NOTCH3: variants seen among roughly 807,000 people sequenced by gnomAD.
NOTCH3 encodes the protein notch receptor 3.
NOTCH3 carries 86 observed loss-of-function variants against 213.3 expected under a neutral mutation model. That is an observed-to-expected ratio of 0.40 (90% CI 0.34 to 0.48). The LOEUF is 0.48. Ranked by LOEUF, NOTCH3 falls within the 20% of genes least tolerant of loss-of-function variation. The pLI is 0.57. For missense variants in NOTCH3, 2,783 were observed against 3,272.6 expected (o/e 0.85, Z 3.65); for synonymous variants, 1,354 against 1,355.9 (o/e 1.00, Z 0.03).
intron 1 of NOTCH3, among the ~76,000 whole-genome samples, chr19:15,199,857 C>A (rs1001105684): frequency 1.8e-3 from 268 of 152,128 alleles, no homozygotes; most frequent in Non-Finnish European, 3.1e-3. Context: ...TGGCCAGGGG[C>A]CTTGGCCCGC....
In NOTCH3 at chr19:15,185,268, G is replaced by A. The variant is rs2046871608; in HGVS notation, c.2285C>T (p.Pro762Leu). The A allele has an allele frequency of 1.2e-6, 2 of 1,613,072 alleles. No individual in the cohort carries two copies. Among genetic ancestry groups the A allele is most frequent in the African/African-American group, 2.7e-5 (2 of 74,900 alleles). Residue 762 changes from proline to leucine, a missense_variant, in exon 14 of 33, where the codon CCT (proline) becomes CTT (leucine). Coordinates refer to ENST00000263388, the MANE Select transcript of NOTCH3 (RefSeq NM_000435.3). This position sits in a 1 kb window ranked among gnomAD's most constrained non-coding sequence, Gnocchi z 4.2. ...DGMGFHCTCP[P>L]GVQGRQCELL... ...GGTGAGGTACACACCCTGGACACCA[G>A]GCGGGCAGGTGCAGTGGAAACCCAT...
chr19:15,192,634 G>T (rs1043818650), intron 2 of NOTCH3, 115 bp from the exon 3 acceptor site: 6 of 1,427,260 alleles, frequency 4.2e-6, no homozygotes, highest in African/African-American at 2.8e-5. Context: ...ACACACATTT[G>T]CTGGGAGCAG....
chr19:15,185,622 C>T lies in NOTCH3; in HGVS notation c.2009G>A (p.Gly670Asp), dbSNP rs752546765. 6.2e-7 allele frequency: 1 copy of T among 1,613,624 alleles called. No individual in the cohort carries two copies. Among genetic ancestry groups the T allele is most frequent in the East Asian group, 2.2e-5 (1 of 44,882 alleles). The change falls in exon 13 of 33, where the codon GGT (glycine) becomes GAT (aspartate). Residue 670 changes from glycine (G) to aspartate (D), a missense_variant. Transcript: ENST00000263388. This position sits in a 1 kb window ranked among gnomAD's most constrained non-coding sequence, Gnocchi z 4.2. ...GCCATTTTCCCCATCCACACAGGAA[C>T]CTCCCTCGCCGCATGGGCTGGAAGC... is the stretch of plus-strand genomic sequence containing the variant. ...ECASSPCGEG[G>D]SCVDGENGFR...
rs756141023 is a variant in NOTCH3 at position 15,185,653 on chromosome 19, C to T, written c.1978G>A (p.Glu660Lys). 1.5e-5 allele frequency: 24 copies of T among 1,613,448 alleles called. No homozygotes were observed. The highest frequency in any genetic ancestry group is 1.9e-5 in the Non-Finnish European group (23 of 1,180,024). ...TCGCCGCATGGGCTGGAAGCACACT[C>T]ATTGATCTCCACGTTACAAAGGGGC... ...TGPLCNVEIN[E>K]CASSPCGEGG... is the part of the protein sequence containing the mutation. The change falls in exon 13 of 33, where the codon GAG (glutamate) becomes AAG (lysine). Residue 660 changes from glutamate (E) to lysine (K), a missense_variant. By Grantham distance (56) the Glu-to-Lys change is moderately conservative (BLOSUM62 1). Around this residue, in one of 6 missense-constraint regions of NOTCH3, gnomAD observed 861 missense variants for 909.1 expected, o/e 0.95. Coordinates refer to ENST00000263388, the MANE Select transcript of NOTCH3 (RefSeq NM_000435.3). The surrounding 1 kb of genome is among the most constrained non-coding windows in gnomAD (Gnocchi z 4.2).
chr19:15,164,365 C>T (rs1216549223), intron 31 of NOTCH3, among the ~76,000 whole-genome samples: 1 of 151,856 alleles, frequency 6.6e-6, no homozygotes, highest in Non-Finnish European at 1.5e-5. Context: ...CATTGCGAAA[C>T]CCCGTCTCTA....
In NOTCH3 at chr19:15,164,910, A is replaced by C. The variant is rs2046673414; in HGVS notation, c.5815+458T>G. Among the ~76,000 whole-genome samples the C allele has an allele frequency of 2.0e-5, 3 of 152,026 alleles. No homozygotes were observed. The South Asian group carries it at 6.2e-4, about 32-fold the overall frequency. On this transcript the variant is annotated intron_variant, in intron 31 of 32. Coordinates refer to ENST00000263388, the MANE Select transcript of NOTCH3 (RefSeq NM_000435.3). ...ACCCTCCCACCTCAGTTTCTGGAGTAGCTAGGGCCACAGGTATGCACCACC... is the reference window on the plus strand; with the variant it reads ...ACCCTCCCACCTCAGTTTCTGGAGTCGCTAGGGCCACAGGTATGCACCACC...
At chr19:15,187,841 G>A in intron 10 of NOTCH3, 40 bp downstream of exon 10, 2 of 1,482,932 alleles carry the variant, frequency 1.3e-6, no homozygotes, top group Non-Finnish European at 9.2e-7. Context: ...CACAAGCCCC[G>A]CCTCCTGATT....
intron 2 of NOTCH3, 61 bp downstream of exon 2, chr19:15,197,439 T>TCGCGCC: frequency 1.1e-6 from 1 of 910,344 alleles, no homozygotes; most frequent in Non-Finnish European, 1.8e-6. Context: ...AGAAGACAAA[T>TCGCGCC]CGCCCCTCCC....
chr19:15,187,157 T>A lies in NOTCH3; in HGVS notation c.1788A>T (p.Lys596Asn). The A allele has an allele frequency of 6.2e-7, 1 of 1,614,130 alleles. No homozygotes were observed. Among genetic ancestry groups the A allele is most frequent in the Non-Finnish European group, 8.5e-7 (1 of 1,179,998 alleles). The change falls in exon 11 of 33, where the codon AAA (lysine) becomes AAT (asparagine). Residue 596 changes from lysine to asparagine, a missense_variant. Lys to Asn is a moderately conservative substitution (Grantham distance 94). Transcript: ENST00000263388. ...CRSQPCRHGG[K>N]CLDLVDKYLC... ...GGTACTTGTCCACCAGGTCTAGGCA[T>A]TTGCCGCCATGGCGGCAGGGCTGGC...
intron 7 of NOTCH3, 29 bp downstream of exon 7, chr19:15,189,244 C>T: frequency 2.5e-6 from 4 of 1,613,928 alleles, no homozygotes; most frequent in Non-Finnish European, 3.4e-6. Flanking sequence ...CTTTCCCAGC[C>T]CATTCACAGA....
At position 15,160,907 on chromosome 19, in the gene NOTCH3, C is replaced by T; in HGVS notation, c.6721G>A (p.Glu2241Lys). Residue 2241 changes from glutamate (E) to lysine (K), a missense_variant, in exon 33 of 33, where the codon GAG (glutamate) becomes AAG (lysine). Coordinates refer to ENST00000263388, the MANE Select transcript of NOTCH3 (RefSeq NM_000435.3). ...PKARFLRVPSEHPYLTPSPES... is the reference protein window; with the variant it reads ...PKARFLRVPSKHPYLTPSPES... ...GGGGATGGGGTCAGGTAAGGGTGCT[C>T]ACTGGGAACCCGCAGGAAGCGGGCC... 2 of 1,610,270 alleles carry T rather than the reference C, an allele frequency of 1.2e-6. No homozygotes were observed. The highest frequency in any genetic ancestry group is 1.7e-6 in the Non-Finnish European group (2 of 1,177,768).
Position 15,185,162 on chromosome 19 carries a change from A to G in NOTCH3, c.2296+95T>C. On this transcript the variant is annotated intron_variant, in intron 14 of 32. Coordinates refer to ENST00000263388, the MANE Select transcript of NOTCH3 (RefSeq NM_000435.3). This position sits in a 1 kb window ranked among gnomAD's most constrained non-coding sequence, Gnocchi z 4.2. ...GGAGGGAAATGATTGAAAGCAAAAA[A>G]GAAGCTAACATAGCGGGAGGAGAGA... 2 of 1,522,922 alleles carry G rather than the reference A, an allele frequency of 1.3e-6. No individual in the cohort carries two copies. The highest frequency in any genetic ancestry group is 1.8e-6 in the Non-Finnish European group (2 of 1,104,774). The allele number at this position is 1,522,922 out of a possible 1,614,324, so 94.3% of individuals were successfully genotyped here. A position where few individuals can be genotyped will look rare whatever the true frequency, so the allele number is the denominator to read the frequency against.
intron 25 of NOTCH3, among the ~76,000 whole-genome samples, chr19:15,172,465 G>A (rs2046742267): frequency 6.6e-6 from 1 of 151,818 alleles, no homozygotes; most frequent in African/African-American, 2.4e-5. Context: ...TTAGCCAGGG[G>A]CTGGTACACC....
rs542856470 is a variant in NOTCH3, at chr19:15,177,857, G to A, written c.4071C>T (p.Pro1357=). 2,277 of 1,221,888 alleles carry A rather than the reference G, an allele frequency of 1.9e-3. 1 individual carries two copies. The highest frequency in any genetic ancestry group is 2.2e-3 in the Non-Finnish European group (2,122 of 983,108). The allele number at this position is 1,221,888 out of a possible 1,614,324, so 75.7% of individuals were successfully genotyped here. A position where few individuals can be genotyped will look rare whatever the true frequency, so the allele number is the denominator to read the frequency against. The part of the protein sequence containing the change: ...GGSCRPAPLA[P]FFRCACAQGW... ...CCTGCGCGCAAGCGCAGCGGAAGAA[G>A]GGCGCGAGCGGCGCGGGGCGGCAGG... Residue 1357 remains proline (P), a synonymous_variant, in exon 24 of 33, where the codon CCC becomes CCT. Coordinates refer to ENST00000263388, the MANE Select transcript of NOTCH3 (RefSeq NM_000435.3).
chr19:15,197,459 C>CCCCCCCA, intron 2 of NOTCH3, 41 bp downstream of exon 2: 1 of 1,272,450 alleles, frequency 7.9e-7, no homozygotes, highest in Non-Finnish European at 1.1e-6. Context: ...CCCCCGCCCC[C>CCCCCCCA]ACACACAGGG....
At chr19:15,162,436 C>T (rs1349258975) in intron 32 of NOTCH3, 29 bp downstream of exon 32, 1 of 1,528,824 alleles carries the variant, frequency 6.5e-7, no homozygotes, top group South Asian at 1.1e-5. Context: ...CCACTGCTGA[C>T]ACCCAGTGGA....
chr19:15,181,717 C>T lies in NOTCH3; in HGVS notation c.2651G>A (p.Cys884Tyr). ...CAGGCACTCATCCACATCGCGGGCG[C>T]ATCGTGGGCCGGCGAAACCAGGGAG... is the stretch of plus-strand genomic sequence containing the variant. Reference protein sequence around the residue: ...SCLPGFAGPRCARDVDECLSN... With the variant: ...SCLPGFAGPRYARDVDECLSN... The change falls in exon 17 of 33, where the codon TGC becomes TAC. Residue 884 changes from cysteine (C) to tyrosine (Y), a missense_variant. Cys to Tyr is a radical substitution (Grantham distance 194). Transcript: ENST00000263388. 6.4e-7 allele frequency: 1 copy of T among 1,570,156 alleles called. No individual in the cohort carries two copies. Among genetic ancestry groups the T allele is most frequent in the African/African-American group, 1.3e-5 (1 of 74,108 alleles).
At position 15,170,693 on chromosome 19, in the gene NOTCH3, C is replaced by A. The variant is rs148574670; in HGVS notation, c.4869G>T (p.Pro1623=). Residue 1623 remains proline, a synonymous_variant, in exon 26 of 33, where the codon CCG becomes CCT. Transcript: ENST00000263388. ...ALSAVERLDF[P]YPLRDVRGEP... ...CACCCCGCACGTCCCGCAGTGGGTA[C>A]GGGAAGTCCAGGCGCTCCACCGCTG... The A allele has an allele frequency of 6.3e-7, 1 of 1,587,738 alleles. No homozygotes were observed. Among genetic ancestry groups the A allele is most frequent in the Non-Finnish European group, 8.6e-7 (1 of 1,168,174 alleles).
chr19:15,167,259 C>G lies in NOTCH3; in HGVS notation c.5352G>C (p.Val1784=), dbSNP rs772843793. 1 of 1,612,654 alleles carries G rather than the reference C, an allele frequency of 6.2e-7. No individual in the cohort carries two copies. Among genetic ancestry groups the G allele is most frequent in the Non-Finnish European group, 8.5e-7 (1 of 1,178,976 alleles). The part of the protein sequence containing the change: ...DADADGMDVN[V]RGPDGFTPLM... ...GGCACTGTCACTAACCTGGGCCACGCACATTGACATCCATGCCATCAGCAT... is the reference window on the plus strand; with the variant it reads ...GGCACTGTCACTAACCTGGGCCACGGACATTGACATCCATGCCATCAGCAT... The change falls in exon 29 of 33, where the codon GTG becomes GTC. Residue 1784 remains valine (V), a synonymous_variant. Coordinates refer to ENST00000263388, the MANE Select transcript of NOTCH3 (RefSeq NM_000435.3).
Sources: allele counts gnomAD v4.1 joint callset (sites outside exome capture counted in the v4.1 genomes callset), GRCh38; gene constraint gnomAD v4.1.1; regional missense constraint gnomAD v4.1.1; non-coding constraint Gnocchi (gnomAD v3.1); transcripts MANE v1.5; gene names NCBI Gene and HGNC (gene_info 2026-07-23, HGNC 2026-07-21).